The following NYAP2 variants were observed in gnomAD, a reference collection of about 807,000 sequenced individuals.
NYAP2 encodes the protein neuronal tyrosine-phosphorylated phosphoinositide-3-kinase adaptor 2.
NYAP2 carries 23 observed loss-of-function variants against 50.4 expected under a neutral mutation model. The observed-to-expected ratio is 0.46, with a 90% CI of 0.33 to 0.65. The LOEUF (loss-of-function observed/expected upper bound fraction) is 0.65, where lower values mean the gene tolerates loss of function less well. NYAP2 is among the 30% of genes least tolerant of loss of function. The probability of loss-of-function intolerance (pLI) is 0.02; values close to 1 mark genes in which losing one functional copy is unlikely to be tolerated. For synonymous variants in NYAP2, 394 were observed against 365.2 expected, an observed-to-expected ratio of 1.08 and a Z score of -0.90; for missense variants, 885 against 861.0, an observed-to-expected ratio of 1.03 and a Z score of -0.35.
At chr2:225,638,980 G>A (rs1370049211) in intron 6 of NYAP2, among the ~76,000 whole-genome samples, 1 of 152,032 alleles carries the variant, frequency 6.6e-6, no homozygotes, top group African/African-American at 2.4e-5. Context: ...TTTGATTAAT[G>A]TAAGTAACTG....
intron 3 of NYAP2, among the ~76,000 whole-genome samples, chr2:225,492,775 C>A (rs1222006497): frequency 1.3e-5 from 2 of 151,996 alleles, no homozygotes; most frequent in African/African-American, 4.8e-5. Context: ...ATGCCACATA[C>A]TTTTAACAAC....
At chr2:225,563,294 C>T (rs1421533676) in intron 4 of NYAP2, among the ~76,000 whole-genome samples, 3 of 152,078 alleles carry the variant, frequency 2.0e-5, no homozygotes, top group South Asian at 2.1e-4. Context: ...CTTGAGTGAA[C>T]ATTAAACTAA....
intron 3 of NYAP2, among the ~76,000 whole-genome samples, chr2:225,504,781 A>C (rs778931997): frequency 4.6e-5 from 7 of 152,052 alleles, no homozygotes; most frequent in Non-Finnish European, 7.4e-5. Flanking sequence ...AAGCTGAGGC[A>C]GGGGGATCAT....
At chr2:225,512,570 T>C (rs1690838776) in intron 3 of NYAP2, among the ~76,000 whole-genome samples, 1 of 149,516 alleles carries the variant, frequency 6.7e-6, no homozygotes, top group South Asian at 2.2e-4. Flanking sequence ...CTTCCCTCCT[T>C]CCTTTCCTTT....
intron 3 of NYAP2, among the ~76,000 whole-genome samples, chr2:225,445,633 A>C (rs952247564): frequency 6.6e-6 from 1 of 152,128 alleles, no homozygotes; most frequent in Non-Finnish European, 1.5e-5. Flanking sequence ...TATCTTTTAA[A>C]AATATATTTT....
the NYAP2 span, among the ~76,000 whole-genome samples, chr2:225,671,585 C>T: frequency 6.6e-6 from 1 of 152,126 alleles, no homozygotes; most frequent in African/African-American, 2.4e-5. Flanking sequence ...AATTCCTGTT[C>T]ATGTTGATAT....
chr2:225,657,155 G>A (rs919575886), downstream of NYAP2, among the ~76,000 whole-genome samples: 2 of 140,924 alleles, frequency 1.4e-5, no homozygotes, highest in Non-Finnish European at 3.0e-5. Context: ...TTGTTGCCTA[G>A]GCTGGCGTGC....
At chr2:225,457,469 A>G (rs1689757315) in intron 3 of NYAP2, among the ~76,000 whole-genome samples, 1 of 152,194 alleles carries the variant, frequency 6.6e-6, no homozygotes, top group South Asian at 2.1e-4. Context: ...TGAGTCAAAT[A>G]AAGGAACAAA....
chr2:225,575,703 G>C lies in NYAP2; in HGVS notation c.524-6238G>C, dbSNP rs547346425. Reference sequence around the variant, plus strand: ...AAAGTGGAAGCTGCCAGAATCAAGGGGAGAAGAAATAGACTCCACTTCTTA... The same window carrying C: ...AAAGTGGAAGCTGCCAGAATCAAGGCGAGAAGAAATAGACTCCACTTCTTA... On this transcript the variant is annotated intron_variant, in intron 4 of 6. Coordinates refer to ENST00000636099, the Ensembl canonical transcript of NYAP2. 5.3e-5 allele frequency among the ~76,000 whole-genome samples: 8 copies of C among 152,280 alleles called. No homozygotes were observed. In the South Asian group the frequency reaches 1.0e-3, roughly 20 times the overall value.
chr2:225,440,841 C>G (rs1307375067), intron 3 of NYAP2, among the ~76,000 whole-genome samples: 1 of 152,142 alleles, frequency 6.6e-6, no homozygotes, highest in Admixed American at 6.5e-5. Context: ...TTTTGAGAAC[C>G]TGCAGATTGG....
At chr2:225,550,997 C>T (rs1048783222) in intron 4 of NYAP2, among the ~76,000 whole-genome samples, 1 of 152,158 alleles carries the variant, frequency 6.6e-6, no homozygotes, top group Non-Finnish European at 1.5e-5. Context: ...AGGCTATTAT[C>T]CATTATAGAT....
At chr2:225,506,143 A>T (rs1690701200) in intron 3 of NYAP2, among the ~76,000 whole-genome samples, 1 of 152,210 alleles carries the variant, frequency 6.6e-6, no homozygotes, top group African/African-American at 2.4e-5. Context: ...AAATATGTCC[A>T]CAATTTTTTT....
intron 4 of NYAP2, among the ~76,000 whole-genome samples, chr2:225,577,710 CTTACCTCAAAGAACCATGAT>C (rs201702173): frequency 2.5e-3 from 375 of 152,106 alleles, no homozygotes; most frequent in African/African-American, 8.4e-3. Flanking sequence ...CCTCCTCTGA[CTTACCTCAAAGAACCATGAT>C]TTACCTCAAA....
intron 3 of NYAP2, among the ~76,000 whole-genome samples, chr2:225,415,777 T>C (rs961651): frequency 0.84 from 127,254 of 152,110 alleles, 53,732 homozygotes; most frequent in African/African-American, 0.93. Flanking sequence ...TGGAAACACA[T>C]TGTCAACTTT....
At chr2:225,546,624 A>G (rs960151722) in intron 4 of NYAP2, among the ~76,000 whole-genome samples, 2 of 152,076 alleles carry the variant, frequency 1.3e-5, no homozygotes, top group Admixed American at 6.6e-5. Flanking sequence ...CAGAAATGCC[A>G]TCCAAGAACT....
intron 3 of NYAP2, among the ~76,000 whole-genome samples, chr2:225,496,260 T>C (rs985274210): frequency 5.3e-5 from 8 of 152,064 alleles, no homozygotes; most frequent in African/African-American, 1.9e-4. Flanking sequence ...AGGTTACTGG[T>C]AATCAAAAGT....
the NYAP2 span, among the ~76,000 whole-genome samples, chr2:225,670,937 A>T: frequency 6.6e-6 from 1 of 152,094 alleles, no homozygotes; most frequent in African/African-American, 2.4e-5. Context: ...TACCTTAATT[A>T]AAAAAATACT....
intron 3 of NYAP2, among the ~76,000 whole-genome samples, chr2:225,497,836 T>A (rs923753256): frequency 6.6e-6 from 1 of 152,224 alleles, no homozygotes; most frequent in African/African-American, 2.4e-5. Flanking sequence ...TGGAATTTTT[T>A]CACTTCCTGG....
intron 5 of NYAP2, among the ~76,000 whole-genome samples, chr2:225,593,473 T>G (rs985923485): frequency 6.6e-6 from 1 of 152,202 alleles, no homozygotes; most frequent in Admixed American, 6.5e-5. Context: ...CGCCAGAAAC[T>G]TAATGAAAAA....
Sources: gnomAD v4.1 joint callset for allele counts (sites outside exome capture counted in the v4.1 genomes callset) on GRCh38, gnomAD v4.1.1 for gene constraint, MANE v1.5 for transcripts, NCBI Gene and HGNC (gene_info 2026-07-23, HGNC 2026-07-21) for gene names.